The following TSHZ3 variants were observed in gnomAD, a reference collection of about 807,000 sequenced individuals.
The protein encoded by TSHZ3 is teashirt homolog 3.
A neutral mutation model predicts 64.5 loss-of-function variants in TSHZ3; 10 were observed. The observed-to-expected ratio is 0.16, with a 90% CI of 0.10 to 0.26. The LOEUF (loss-of-function observed/expected upper bound fraction) is 0.26. Ranked by LOEUF, TSHZ3 falls within the 10% of genes least tolerant of loss-of-function variation. The pLI is 1.00. For missense variants in TSHZ3, 1,242 were observed against 1,421.7 expected (o/e 0.87, Z 2.03); for synonymous variants, 608 against 593.1 (o/e 1.03, Z -0.36).
chr19:31,297,492 T>C (rs1051877016), intron 1 of TSHZ3, among the ~76,000 whole-genome samples: 1 of 152,198 alleles, frequency 6.6e-6, no homozygotes, highest in African/African-American at 2.4e-5. Context: ...TTATTTTTTT[T>C]AAGAGACAAG....
At chr19:31,336,130 TAA>T (rs1917235524) in intron 1 of TSHZ3, among the ~76,000 whole-genome samples, 1 of 152,208 alleles carries the variant, frequency 6.6e-6, no homozygotes, top group African/African-American at 2.4e-5. Context: ...TATCCAAAAA[TAA>T]AAGAGTAGAT....
At position 31,179,014 on chromosome 19, in the gene TSHZ3, C is replaced by CTGATGATGATGATGATGA. The variant is rs760717001; in HGVS notation, n.810-22615_810-22598dup. ...CAGGAGACCTGGACTGCAGAAGGCA[C>CTGATGATGATGATGATGA]TGATGATGATGATGATGATGATGAT... On this transcript the variant is annotated intron_variant and non_coding_transcript_variant, in intron 5 of 6. Coordinates refer to the TSHZ3 transcript ENST00000651361. 4.0e-3 allele frequency among the ~76,000 whole-genome samples: 449 copies of CTGATGATGATGATGATGA among 112,200 alleles called. 2 individuals are homozygous for CTGATGATGATGATGATGA. The highest frequency in any genetic ancestry group is 6.5e-3 in the Non-Finnish European group (330 of 50,804). The allele number at this position is 112,200 out of a possible 152,430, so 73.6% of individuals were successfully genotyped here.
chr19:31,213,200 C>A lies in TSHZ3; in HGVS notation n.687-8122G>T, dbSNP rs538668724. 2.0e-5 allele frequency among the ~76,000 whole-genome samples: 3 copies of A among 150,660 alleles called. No homozygotes were observed. The South Asian group carries it at 6.3e-4, about 32-fold the overall frequency. ...GTGAAACCCCGTCTCTACTAAAATACAAAAAAATTAGCCGGGCGTGGCGTC... is the reference window on the plus strand; with the variant it reads ...GTGAAACCCCGTCTCTACTAAAATAAAAAAAAATTAGCCGGGCGTGGCGTC... On this transcript the variant is annotated intron_variant and non_coding_transcript_variant, in intron 4 of 6. Transcript: ENST00000651361.
rs573344859 is a variant in TSHZ3, at chr19:31,318,898, C to T, written c.40+30282G>A. ...CCAATACTGTGGCAAACACCTAGTC[C>T]CAAGAGCAGGGCTTTATAGCAGCTC... On this transcript the variant is annotated intron_variant, in intron 1 of 1. Coordinates refer to ENST00000240587, the MANE Select transcript of TSHZ3 (RefSeq NM_020856.4). Among the ~76,000 whole-genome samples the T allele has an allele frequency of 2.8e-3, 431 of 152,286 alleles. 1 individual carries two copies. The highest frequency in any genetic ancestry group is 9.5e-3 in the African/African-American group (396 of 41,558).
chr19:31,198,685 C>A (rs1164622995), intron 5 of TSHZ3, among the ~76,000 whole-genome samples: 4 of 151,928 alleles, frequency 2.6e-5, no homozygotes, highest in African/African-American at 9.7e-5. Context: ...TATATTAATA[C>A]CCCCCAAAAT....
At chr19:31,258,487 T>C (rs74835339) in intron 1 of TSHZ3, among the ~76,000 whole-genome samples, 2,922 of 152,232 alleles carry the variant, frequency 0.019, 99 homozygotes, top group African/African-American at 0.067. Flanking sequence ...TATGAGTCTC[T>C]CCCTGGCTCT....
chr19:31,164,723 C>T (rs1171673985), intron 5 of TSHZ3, among the ~76,000 whole-genome samples: 1 of 152,302 alleles, frequency 6.6e-6, no homozygotes, highest in East Asian at 1.9e-4. Context: ...CATGAAGGCT[C>T]CTGTTCCAGC....
At position 31,277,785 on chromosome 19, in the gene TSHZ3, T is replaced by A; in HGVS notation, c.2008A>T (p.Ser670Cys). ...SDGGFRSQEN[S>C]PSPPRDGCKD... The stretch of plus-strand genomic sequence containing the variant: ...CACCCATCCCGCGGGGGGCTGGGGC[T>A]GTTCTCCTGGCTGCGGAAGCCCCCA... The change falls in exon 2 of 2, where the codon AGC becomes TGC. Residue 670 changes from serine (S) to cysteine (C), a missense_variant. By Grantham distance (112) the Ser-to-Cys change is moderately radical. This residue lies in a region of TSHZ3 where 550 missense variants were observed against 545.1 expected (regional missense o/e 1.01). Coordinates refer to ENST00000240587, the MANE Select transcript of TSHZ3 (RefSeq NM_020856.4). This position sits in a 1 kb window ranked among gnomAD's most constrained non-coding sequence, Gnocchi z 4.5. The A allele has an allele frequency of 6.5e-7, 1 of 1,536,666 alleles. No homozygotes were observed. Among genetic ancestry groups the A allele is most frequent in the Non-Finnish European group, 8.7e-7 (1 of 1,145,164 alleles).
At chr19:31,235,336 C>T (rs1210654344) in intron 3 of TSHZ3, among the ~76,000 whole-genome samples, 1 of 152,148 alleles carries the variant, frequency 6.6e-6, no homozygotes, top group Non-Finnish European at 1.5e-5. Context: ...CTGTGACCAA[C>T]ATTTCCCCAT....
chr19:31,160,511 G>A (rs888110975), intron 5 of TSHZ3, among the ~76,000 whole-genome samples: 6 of 152,138 alleles, frequency 3.9e-5, no homozygotes, highest in South Asian at 2.1e-4. Flanking sequence ...TTTGAGTCTG[G>A]CTCACTTTTT....
intron 1 of TSHZ3, among the ~76,000 whole-genome samples, chr19:31,287,996 G>A (rs1345998297): frequency 1.3e-5 from 2 of 152,086 alleles, no homozygotes; most frequent in African/African-American, 4.8e-5. Flanking sequence ...GTGCAGTGGT[G>A]CAATCACAGC....
chr19:31,324,017 G>T (rs899629156), intron 1 of TSHZ3, among the ~76,000 whole-genome samples: 4 of 152,000 alleles, frequency 2.6e-5, no homozygotes, highest in African/African-American at 4.8e-5. Context: ...GCCACGAGGG[G>T]CATCTTCACA....
chr19:31,271,396 A>T (rs1976136199), downstream of TSHZ3, among the ~76,000 whole-genome samples: 1 of 152,170 alleles, frequency 6.6e-6, no homozygotes, highest in African/African-American at 2.4e-5. Flanking sequence ...AACTCCCTGG[A>T]AACAAAACCC....
chr19:31,212,395 T>C (rs938239521), intron 4 of TSHZ3, among the ~76,000 whole-genome samples: 3 of 151,790 alleles, frequency 2.0e-5, no homozygotes, highest in African/African-American at 2.4e-5. Flanking sequence ...AAGTCGGAGG[T>C]TGCAGTGAGC....
At position 31,283,251 on chromosome 19, in the gene TSHZ3, T is replaced by G. The variant is rs145819874; in HGVS notation, c.41-3499A>C. ...CCAGAGGCTGAGGCAGGCGAATCAC[T>G]TGAACCCGGAGGTGGAGGGTGCAAG... On this transcript the variant is annotated intron_variant, in intron 1 of 1. Coordinates refer to ENST00000240587, the MANE Select transcript of TSHZ3 (RefSeq NM_020856.4). 5.6e-3 allele frequency among the ~76,000 whole-genome samples: 846 copies of G among 152,174 alleles called. 5 individuals are homozygous for G. The highest frequency in any genetic ancestry group is 0.02 in the Middle Eastern group (6 of 294).
chr19:31,236,059 T>C (rs1394882413), intron 3 of TSHZ3, among the ~76,000 whole-genome samples: 2 of 152,208 alleles, frequency 1.3e-5, no homozygotes, highest in Non-Finnish European at 2.9e-5. Context: ...ATTTCATATC[T>C]TGGCTATTGT....
chr19:31,349,491 AGAGGAGGAG>A, upstream of TSHZ3: 1 of 344,976 alleles, frequency 2.9e-6, no homozygotes. Flanking sequence ...AGGAGGAGGC[AGAGGAGGAG>A]GAGGTGGAGG....
chr19:31,276,277 C>T lies in TSHZ3; in HGVS notation c.*270G>A, dbSNP rs1270440878. 6 of 320,270 alleles carry T rather than the reference C, an allele frequency of 1.9e-5. No individual in the cohort carries two copies. Among genetic ancestry groups the T allele is most frequent in the Non-Finnish European group, 3.4e-5 (6 of 175,408 alleles). The allele number at this position is 320,270 out of a possible 1,614,324, so 19.8% of individuals were successfully genotyped here. The stretch of plus-strand genomic sequence containing the variant: ...GTCTGTTAATGCATGCAGCTTGAAG[C>T]ATCGGGAGGATGCTCACAACTAAAT... On this transcript the variant is annotated 3_prime_UTR_variant, in exon 2 of 2. Coordinates refer to ENST00000240587, the MANE Select transcript of TSHZ3 (RefSeq NM_020856.4).
At chr19:31,224,612 G>T (rs1975435393) in intron 4 of TSHZ3, among the ~76,000 whole-genome samples, 1 of 152,150 alleles carries the variant, frequency 6.6e-6, no homozygotes, top group South Asian at 2.1e-4. Flanking sequence ...GTGGGTCAAT[G>T]CTACCTCCAA....
Sources: allele counts gnomAD v4.1 joint callset (sites outside exome capture counted in the v4.1 genomes callset), GRCh38; gene constraint gnomAD v4.1.1; regional missense constraint gnomAD v4.1.1; non-coding constraint Gnocchi (gnomAD v3.1); transcripts MANE v1.5; gene names NCBI Gene and HGNC (gene_info 2026-07-23, HGNC 2026-07-21).